The following LARGE1 variants were observed in gnomAD, a reference collection of about 807,000 sequenced individuals.
The protein encoded by LARGE1 is LARGE xylosyl- and glucuronyltransferase 1.
Under a neutral mutation model 87.6 loss-of-function variants are expected in LARGE1, and 43 were observed. The ratio of observed to expected loss-of-function variants is 0.49; its 90% CI spans 0.38 to 0.63. The LOEUF is 0.63. Among genes scored for constraint, LARGE1 ranks in the 30% least tolerant of loss-of-function variants. The pLI, the probability that LARGE1 is intolerant of heterozygous loss-of-function variation, is 0.00. For synonymous variants in LARGE1, 434 were observed against 394.6 expected (o/e 1.10, Z -1.18); for missense variants, 802 against 1,000.2 (o/e 0.80, Z 2.67).
chr22:33,576,159 ATG>A (rs1329605005), intron 5 of LARGE1, among the ~76,000 whole-genome samples: 1 of 152,192 alleles, frequency 6.6e-6, no homozygotes, highest in Non-Finnish European at 1.5e-5. Context: ...GTATGTATTT[ATG>A]TATGTAGACT....
At chr22:33,363,986 C>A (rs1161906019) in intron 9 of LARGE1, among the ~76,000 whole-genome samples, 2 of 149,632 alleles carry the variant, frequency 1.3e-5, no homozygotes, top group African/African-American at 2.5e-5. Flanking sequence ...TCAGGGATGA[C>A]CCAAGAACAC....
chr22:33,564,404 T>C (rs1391561103), intron 6 of LARGE1, among the ~76,000 whole-genome samples: 3 of 151,892 alleles, frequency 2.0e-5, no homozygotes, highest in Non-Finnish European at 1.5e-5. Flanking sequence ...AATACATACA[T>C]CTCCTTAAAA....
intron 1 of LARGE1, among the ~76,000 whole-genome samples, chr22:33,872,348 G>C (rs1324172444): frequency 7.0e-6 from 1 of 142,732 alleles, no homozygotes; most frequent in East Asian, 2.0e-4. Flanking sequence ...CAGACACGCA[G>C]TAAATGCTAT....
intron 1 of LARGE1, among the ~76,000 whole-genome samples, chr22:33,894,358 A>G (rs992923817): frequency 2.0e-5 from 3 of 152,132 alleles, no homozygotes; most frequent in Non-Finnish European, 4.4e-5. Context: ...TTTCCAGAGG[A>G]TTCTAGTACA....
intron 2 of LARGE1, among the ~76,000 whole-genome samples, chr22:33,676,592 A>G (rs1247654803): frequency 7.5e-6 from 1 of 133,588 alleles, no homozygotes; most frequent in African/African-American, 2.9e-5. Flanking sequence ...ACCACCAACA[A>G]AAAAAAAAAA....
intron 6 of LARGE1, among the ~76,000 whole-genome samples, chr22:33,527,967 G>T (rs1297259531): frequency 6.6e-6 from 1 of 152,100 alleles, no homozygotes; most frequent in Non-Finnish European, 1.5e-5. Context: ...GGGTCCCCCA[G>T]ATTTTCTGCT....
intron 2 of LARGE1, among the ~76,000 whole-genome samples, chr22:33,752,964 G>A (rs1265931639): frequency 6.6e-6 from 1 of 152,242 alleles, no homozygotes; most frequent in Non-Finnish European, 1.5e-5. Flanking sequence ...GCTCACGCCT[G>A]TAATCCCAGT....
chr22:33,816,027 G>A (rs560929233), intron 1 of LARGE1, among the ~76,000 whole-genome samples: 2 of 152,258 alleles, frequency 1.3e-5, no homozygotes, highest in East Asian at 3.9e-4. Flanking sequence ...CGCATTCAAT[G>A]TTGTCATTAA....
intron 5 of LARGE1, among the ~76,000 whole-genome samples, chr22:33,578,479 G>A (rs376018717): frequency 5.1e-4 from 78 of 152,224 alleles, no homozygotes; most frequent in African/African-American, 1.7e-3. Context: ...TTTCTTAGAA[G>A]ATCACCATTA....
chr22:33,916,973 G>T (rs893995701), intron 1 of LARGE1, among the ~76,000 whole-genome samples: 2 of 152,148 alleles, frequency 1.3e-5, no homozygotes, highest in African/African-American at 4.8e-5. Flanking sequence ...GCTGTCTGCT[G>T]ACCATTTTTC....
chr22:33,526,636 A>G (rs1756095208), intron 6 of LARGE1, among the ~76,000 whole-genome samples: 2 of 152,258 alleles, frequency 1.3e-5, no homozygotes, highest in African/African-American at 2.4e-5. Flanking sequence ...GGCGCTGGGA[A>G]GAGTTCAGAG....
intron 6 of LARGE1, among the ~76,000 whole-genome samples, chr22:33,437,793 C>T (rs1482422845): frequency 1.3e-5 from 2 of 152,078 alleles, no homozygotes; most frequent in Non-Finnish European, 2.9e-5. Context: ...TAGTTCTTGC[C>T]CTGGGGGCAG....
chr22:33,877,701 T>C (rs2064363158), intron 1 of LARGE1, among the ~76,000 whole-genome samples: 1 of 151,920 alleles, frequency 6.6e-6, no homozygotes, highest in Admixed American at 6.6e-5. Context: ...GGTGGGGGGA[T>C]CACTTGAGGT....
Position 33,437,722 on chromosome 22 carries a change from G to T in LARGE1, c.788-5457C>A, listed in dbSNP as rs1302330467. 2.0e-5 allele frequency among the ~76,000 whole-genome samples: 3 copies of T among 152,228 alleles called. No individual in the cohort carries two copies. The South Asian group carries it at 6.2e-4, about 32-fold the overall frequency. On this transcript the variant is annotated intron_variant, in intron 6 of 14. Transcript: ENST00000397394. ...ACGTTGGTTCAGCTTAGTATCGATT[G>T]AGGGTTTGAGTTGTGTCAGACACCA...
chr22:33,524,360 C>G (rs1447012589), intron 6 of LARGE1, among the ~76,000 whole-genome samples: 1 of 152,000 alleles, frequency 6.6e-6, no homozygotes, highest in Non-Finnish European at 1.5e-5. Context: ...ATCTCTAACT[C>G]CTGGCACTCA....
chr22:33,857,988 G>A (rs924893188), intron 1 of LARGE1, among the ~76,000 whole-genome samples: 1 of 152,138 alleles, frequency 6.6e-6, no homozygotes, highest in African/African-American at 2.4e-5. Context: ...CCAAGATGGT[G>A]GCAAGCCTCG....
At chr22:33,879,737 C>T (rs2064609487) in intron 1 of LARGE1, among the ~76,000 whole-genome samples, 1 of 152,210 alleles carries the variant, frequency 6.6e-6, no homozygotes, top group African/African-American at 2.4e-5. Context: ...CCTGTACTCG[C>T]CATAGTGTAT....
intron 6 of LARGE1, among the ~76,000 whole-genome samples, chr22:33,459,450 T>A (rs2068280332): frequency 6.6e-6 from 1 of 151,398 alleles, no homozygotes; most frequent in Admixed American, 6.6e-5. Flanking sequence ...TCTTTTTTTT[T>A]TTTTTTTTTT....
chr22:33,200,029 A>G (rs1924297791), intron 11 of LARGE1, among the ~76,000 whole-genome samples: 1 of 151,966 alleles, frequency 6.6e-6, no homozygotes, highest in Admixed American at 6.6e-5. Flanking sequence ...TTGTATTTTT[A>G]GTAGAGATGG....
Sources: allele counts gnomAD v4.1 joint callset (sites outside exome capture counted in the v4.1 genomes callset), GRCh38; gene constraint gnomAD v4.1.1; transcripts MANE v1.5; gene names NCBI Gene and HGNC (gene_info 2026-07-23, HGNC 2026-07-21).